CDH13: variants seen among roughly 807,000 people sequenced by gnomAD.
CDH13 encodes the protein cadherin 13.
In CDH13, 24 loss-of-function variants were observed where a neutral mutation model predicts 63.8. The ratio of observed to expected loss-of-function variants is 0.38; its 90% CI spans 0.27 to 0.53. CDH13 has a LOEUF of 0.53. Among genes scored for constraint, CDH13 ranks in the 20% least tolerant of loss-of-function variants. The pLI is 0.85. For missense variants in CDH13, 1,049 were observed against 903.1 expected (o/e 1.16, Z -2.07); for synonymous variants, 503 against 355.3 (o/e 1.42, Z -4.67).
At chr16:83,630,012 A>G (rs550065871) in intron 8 of CDH13, among the ~76,000 whole-genome samples, 11 of 152,324 alleles carry the variant, frequency 7.2e-5, no homozygotes, top group Middle Eastern at 6.8e-3. Flanking sequence ...CTTACTTCCC[A>G]CATGACCTGT....
At chr16:82,730,752 A>G (rs1352460180) in intron 1 of CDH13, among the ~76,000 whole-genome samples, 1 of 152,210 alleles carries the variant, frequency 6.6e-6, no homozygotes, top group Non-Finnish European at 1.5e-5. Context: ...GTGAAGCACA[A>G]TCAAACAAGG....
chr16:83,664,268 T>C (rs1394567829), intron 8 of CDH13, among the ~76,000 whole-genome samples: 1 of 152,150 alleles, frequency 6.6e-6, no homozygotes, highest in Non-Finnish European at 1.5e-5. Context: ...GGCCTGACTA[T>C]GCCTTTTCTA....
In CDH13 at chr16:82,796,297, A is replaced by C. The variant is rs572581088; in HGVS notation, c.46-62065A>C. On this transcript the variant is annotated intron_variant, in intron 1 of 13. Coordinates refer to ENST00000567109, the MANE Select transcript of CDH13 (RefSeq NM_001257.5). ...AGGGAGTATGGGGTACCTGGGAAAC[A>C]TCAAGCCTTACCTAGAATCATCTTT... is the stretch of plus-strand genomic sequence containing the variant. Among the ~76,000 whole-genome samples the C allele has an allele frequency of 5.3e-5, 8 of 152,286 alleles. No individual in the cohort carries two copies. In the East Asian group the frequency reaches 1.5e-3, roughly 29 times the overall value.
At chr16:83,053,772 A>G (rs989708343) in intron 3 of CDH13, among the ~76,000 whole-genome samples, 3 of 152,182 alleles carry the variant, frequency 2.0e-5, no homozygotes, top group African/African-American at 2.4e-5. Flanking sequence ...GCAGGCAGAT[A>G]TAATAATTCC....
intron 4 of CDH13, among the ~76,000 whole-genome samples, chr16:83,216,635 A>C (rs2039540717): frequency 6.9e-6 from 1 of 144,178 alleles, no homozygotes; most frequent in African/African-American, 2.5e-5. Flanking sequence ...TAGGGGTTTA[A>C]TATATATATT....
Position 83,369,287 on chromosome 16 carries a change from C to G in CDH13, c.781+24281C>G, listed in dbSNP as rs557413765. On this transcript the variant is annotated intron_variant, in intron 6 of 13. Transcript: ENST00000567109. ...AGCTCATTTTCTAGTAGCAGTATAT[C>G]TCTCCAACAAACAAGTCACCTGTTT... Among the ~76,000 whole-genome samples the G allele has an allele frequency of 2.6e-5, 4 of 152,112 alleles. No homozygotes were observed. The South Asian group carries it at 8.3e-4, about 32-fold the overall frequency.
chr16:83,633,006 A>C (rs1317628963), intron 8 of CDH13, among the ~76,000 whole-genome samples: 1 of 152,060 alleles, frequency 6.6e-6, no homozygotes, highest in African/African-American at 2.4e-5. Flanking sequence ...GTGTCTTTTG[A>C]CATGCTAATG....
chr16:83,525,993 C>G (rs993604432), intron 7 of CDH13, among the ~76,000 whole-genome samples: 1 of 152,136 alleles, frequency 6.6e-6, no homozygotes, highest in Non-Finnish European at 1.5e-5. Flanking sequence ...CTTCCAGTAG[C>G]TAGATGTTAG....
At chr16:83,657,607 C>T (rs1354930527) in intron 8 of CDH13, among the ~76,000 whole-genome samples, 2 of 152,188 alleles carry the variant, frequency 1.3e-5, no homozygotes, top group Non-Finnish European at 2.9e-5. Flanking sequence ...GCTGGAGAGG[C>T]TGTGGGCTGG....
chr16:83,708,162 C>G (rs952748135), intron 10 of CDH13, among the ~76,000 whole-genome samples: 2 of 152,220 alleles, frequency 1.3e-5, no homozygotes, highest in African/African-American at 4.8e-5. Context: ...CCCAAAGCCA[C>G]CGGGAGAACC....
intron 2 of CDH13, among the ~76,000 whole-genome samples, chr16:82,942,289 C>T (rs2151310354): frequency 6.6e-6 from 1 of 152,322 alleles, no homozygotes; most frequent in South Asian, 2.1e-4. Context: ...CCCTTTCCGT[C>T]ACTGAATTGC....
At chr16:83,563,810 G>C (rs1194767711) in intron 7 of CDH13, among the ~76,000 whole-genome samples, 5 of 152,102 alleles carry the variant, frequency 3.3e-5, no homozygotes, top group Non-Finnish European at 7.4e-5. Context: ...CCCTGGCAGA[G>C]CTGACCTACC....
At chr16:82,867,383 T>G (rs1277768299) in intron 2 of CDH13, among the ~76,000 whole-genome samples, 1 of 152,170 alleles carries the variant, frequency 6.6e-6, no homozygotes, top group Non-Finnish European at 1.5e-5. Context: ...TGCTGCTGCG[T>G]ATTTGTTGCT....
Position 82,921,839 on chromosome 16 carries a change from A to T in CDH13, c.157+63366A>T, listed in dbSNP as rs1295401788. Among the ~76,000 whole-genome samples, 3 of 152,056 alleles carry T rather than the reference A, an allele frequency of 2.0e-5. No individual in the cohort carries two copies. The East Asian group carries it at 5.8e-4, about 29-fold the overall frequency. On this transcript the variant is annotated intron_variant, in intron 2 of 13. Coordinates refer to ENST00000567109, the MANE Select transcript of CDH13 (RefSeq NM_001257.5). ...AAATACTGGTATTATTTCCTCTTTA[A>T]ATGCTTGATAAAACTTACCTGTAAA... is the stretch of plus-strand genomic sequence containing the variant.
chr16:82,627,175 G>A lies in CDH13; in HGVS notation c.45+38G>A, dbSNP rs773150168. 87 of 1,563,672 alleles carry A rather than the reference G, an allele frequency of 5.6e-5. 1 individual carries two copies. The highest frequency in any genetic ancestry group is 5.5e-4 in the South Asian group (48 of 87,070). On this transcript the variant is annotated intron_variant, in intron 1 of 13. Transcript: ENST00000567109. ...GGCTGCCGGGCGCGCTCTGCGCCCC[G>A]TTTCTGCATTCGGATCGCCCGGCAC... is the stretch of plus-strand genomic sequence containing the variant.
chr16:83,349,337 C>T (rs900652540), intron 6 of CDH13, among the ~76,000 whole-genome samples: 1 of 152,052 alleles, frequency 6.6e-6, no homozygotes, highest in African/African-American at 2.4e-5. Flanking sequence ...TCTTGAAATT[C>T]CTGGAGGGCA....
chr16:83,146,117 C>G (rs2036736057), intron 4 of CDH13, among the ~76,000 whole-genome samples: 1 of 144,188 alleles, frequency 6.9e-6, no homozygotes, highest in Non-Finnish European at 1.5e-5. Flanking sequence ...TCGCTTGAAC[C>G]TGGGAGGCAG....
At chr16:82,965,788 C>T (rs979854699) in intron 2 of CDH13, among the ~76,000 whole-genome samples, 8 of 152,258 alleles carry the variant, frequency 5.3e-5, no homozygotes, top group African/African-American at 1.7e-4. Context: ...CCACTGCTCC[C>T]GGCCAGTAAA....
rs1434934069 is a variant in CDH13 at position 82,665,952 on chromosome 16, G to GT, written c.45+38818dup. On this transcript the variant is annotated intron_variant, in intron 1 of 13. Coordinates refer to ENST00000567109, the MANE Select transcript of CDH13 (RefSeq NM_001257.5). ...ATCAAAATTCAAAATCTGAAAAATG[G>GT]TTTCAATGGAGTAAGTATTTCTTTT... Among the ~76,000 whole-genome samples, 4 of 152,162 alleles carry GT rather than the reference G, an allele frequency of 2.6e-5. No individual in the cohort carries two copies. In the East Asian group the frequency reaches 7.7e-4, roughly 29 times the overall value.
Sources: gnomAD v4.1 joint callset for allele counts (sites outside exome capture counted in the v4.1 genomes callset) on GRCh38, gnomAD v4.1.1 for gene constraint, MANE v1.5 for transcripts, NCBI Gene and HGNC (gene_info 2026-07-23, HGNC 2026-07-21) for gene names.